Variants in SMPDL3A observed in about 807,000 individuals in gnomAD.
SMPDL3A encodes cyclic GMP-AMP phosphodiesterase SMPDL3A.
A neutral mutation model predicts 38.5 loss-of-function variants in SMPDL3A; 39 were observed. That is an observed-to-expected ratio of 1.01 (90% confidence interval 0.78 to 1.32). The LOEUF is 1.32. Among genes scored for constraint, SMPDL3A ranks in the 40% most tolerant of loss-of-function variants. The pLI is 0.00. For synonymous variants in SMPDL3A, 180 were observed against 194.3 expected, an observed-to-expected ratio of 0.93 and a Z score of 0.61; for missense variants, 502 against 536.2, an observed-to-expected ratio of 0.94 and a Z score of 0.63.
intron 6 of SMPDL3A, 22 bp downstream of exon 6, chr6:122,805,111 A>C (rs1781566658): frequency 6.4e-7 from 1 of 1,572,394 alleles, no homozygotes; most frequent in Non-Finnish European, 8.6e-7. Context: ...CTGTGTTTGC[A>C]TCTCCCCAGT....
intron 1 of SMPDL3A, among the ~76,000 whole-genome samples, chr6:122,795,353 G>A (rs1010006171): frequency 2.0e-5 from 3 of 152,142 alleles, no homozygotes; most frequent in Non-Finnish European, 4.4e-5. Flanking sequence ...ATGTTGGCCA[G>A]GTTGGTCTCG....
In SMPDL3A at chr6:122,789,328, G is replaced by C. The variant is rs1271744949; in HGVS notation, c.-19G>C. ...GCTGCGGGACAGCCCGAACCTCCAG[G>C]TCAGCCCCGCGGCCCTCCATGGCGC... On this transcript the variant is annotated 5_prime_UTR_variant, in exon 1 of 8. Transcript: ENST00000368440. The C allele has an allele frequency of 6.5e-7, 1 of 1,529,644 alleles. No homozygotes were observed. The highest frequency in any genetic ancestry group is 2.5e-5 in the East Asian group (1 of 40,478). The allele number at this position is 1,529,644 out of a possible 1,614,324, so 94.8% of individuals were successfully genotyped here.
intron 1 of SMPDL3A, among the ~76,000 whole-genome samples, chr6:122,794,522 G>T (rs1398226658): frequency 6.6e-6 from 1 of 152,098 alleles, no homozygotes; most frequent in African/African-American, 2.4e-5. Context: ...GCTTGAACCC[G>T]GGAGGTGGAG....
chr6:122,793,567 A>G (rs1050700802), intron 1 of SMPDL3A, among the ~76,000 whole-genome samples: 8 of 152,226 alleles, frequency 5.3e-5, no homozygotes, highest in African/African-American at 1.7e-4. Flanking sequence ...AGATGGAAAT[A>G]AAGATTGGGG....
chr6:122,806,416 T>A (rs938943126), intron 7 of SMPDL3A, 59 bp downstream of exon 7: 6 of 1,517,322 alleles, frequency 4.0e-6, no homozygotes, highest in Non-Finnish European at 5.4e-6. Context: ...CAGTTTTCAT[T>A]AATTTAGTTG....
In SMPDL3A at chr6:122,809,419, T is replaced by C; in HGVS notation, c.*11T>C. The C allele has an allele frequency of 6.4e-7, 1 of 1,565,770 alleles. No individual in the cohort carries two copies. Among genetic ancestry groups the C allele is most frequent in the East Asian group, 2.3e-5 (1 of 44,334 alleles). Reference sequence around the variant, plus strand: ...AAGCACAATTACTAGTATTTCACAGTTTTTGCTAATAGAAAATGCTGATTC... The same window carrying C: ...AAGCACAATTACTAGTATTTCACAGCTTTTGCTAATAGAAAATGCTGATTC... On this transcript the variant is annotated 3_prime_UTR_variant, in exon 8 of 8. Coordinates refer to ENST00000368440, the MANE Select transcript of SMPDL3A (RefSeq NM_006714.5).
chr6:122,792,135 T>G (rs1324116524), intron 1 of SMPDL3A, among the ~76,000 whole-genome samples: 1 of 152,220 alleles, frequency 6.6e-6, no homozygotes, highest in Non-Finnish European at 1.5e-5. Context: ...GCACACAGTT[T>G]CGTTAGGAGA....
At chr6:122,805,483 A>G (rs1423329818) in intron 6 of SMPDL3A, among the ~76,000 whole-genome samples, 1 of 152,200 alleles carries the variant, frequency 6.6e-6, no homozygotes, top group African/African-American at 2.4e-5. Flanking sequence ...AGCAAAGCAC[A>G]ATTTACACAA....
chr6:122,804,851 A>T (rs1781548675), intron 5 of SMPDL3A, 58 bp from the exon 6 acceptor site: 2 of 1,428,544 alleles, frequency 1.4e-6, no homozygotes, highest in Non-Finnish European at 1.9e-6. Context: ...AATGTCATTT[A>T]GTTATGATGA....
intron 7 of SMPDL3A, among the ~76,000 whole-genome samples, chr6:122,807,007 C>T (rs181597605): frequency 2.2e-3 from 334 of 151,882 alleles, no homozygotes; most frequent in Non-Finnish European, 3.9e-3. Flanking sequence ...CCTCCCACCT[C>T]AGCTTCCCAT....
intron 4 of SMPDL3A, 145 bp downstream of exon 4, chr6:122,801,551 T>C: frequency 1.6e-6 from 1 of 633,332 alleles, no homozygotes; most frequent in Non-Finnish European, 2.8e-6. Context: ...TAATGCTGCC[T>C]GTGACACAGG....
chr6:122,805,892 C>T (rs761158730), intron 6 of SMPDL3A, among the ~76,000 whole-genome samples: 28 of 152,164 alleles, frequency 1.8e-4, no homozygotes, highest in Non-Finnish European at 3.2e-4. Context: ...TGCACCTGGC[C>T]TTATATTCTT....
At chr6:122,795,165 G>A (rs767967903) in intron 1 of SMPDL3A, among the ~76,000 whole-genome samples, 63 of 151,222 alleles carry the variant, frequency 4.2e-4, no homozygotes, top group Admixed American at 1.1e-3. Context: ...TTTTTGAGAC[G>A]GAGTCTTGCT....
chr6:122,800,666 G>A (rs535039910), intron 3 of SMPDL3A, among the ~76,000 whole-genome samples: 1 of 152,272 alleles, frequency 6.6e-6, no homozygotes, highest in East Asian at 1.9e-4. Flanking sequence ...TTGTTAAGTT[G>A]ATAAAGTCCT....
chr6:122,794,450 A>G (rs1369973688), intron 1 of SMPDL3A, among the ~76,000 whole-genome samples: 1 of 152,042 alleles, frequency 6.6e-6, no homozygotes, highest in East Asian at 1.9e-4. Context: ...ACAAAAAATT[A>G]GCTGGGTGTG....
chr6:122,803,880 A>C (rs1160361610), intron 5 of SMPDL3A, 47 bp downstream of exon 5: 1 of 1,540,240 alleles, frequency 6.5e-7, no homozygotes, highest in South Asian at 1.2e-5. Context: ...GGAAGGCAAA[A>C]TTTGTATGTT....
intron 7 of SMPDL3A, among the ~76,000 whole-genome samples, chr6:122,808,381 A>C (rs1202459245): frequency 2.0e-5 from 3 of 152,168 alleles, no homozygotes; most frequent in Non-Finnish European, 4.4e-5. Context: ...CATTCTTAAA[A>C]ATTTGACAGT....
intron 1 of SMPDL3A, among the ~76,000 whole-genome samples, chr6:122,790,106 C>T (rs1443851319): frequency 6.6e-6 from 1 of 152,178 alleles, no homozygotes; most frequent in Non-Finnish European, 1.5e-5. Context: ...TTTATTCACT[C>T]CCAGCACTTA....
chr6:122,789,726 G>A (rs1781005762), intron 1 of SMPDL3A: 4 of 700,678 alleles, frequency 5.7e-6, no homozygotes, highest in Non-Finnish European at 7.0e-6. Context: ...CGCGTCGGCC[G>A]GATTTCGCCA....
Sources: allele counts gnomAD v4.1 joint callset (sites outside exome capture counted in the v4.1 genomes callset), GRCh38; gene constraint gnomAD v4.1.1; transcripts MANE v1.5; gene names NCBI Gene and HGNC (gene_info 2026-07-23, HGNC 2026-07-21).